Variants in KCNH1 observed in about 807,000 individuals in gnomAD.
The protein encoded by KCNH1 is potassium voltage-gated channel subfamily H member 1.
KCNH1 carries 27 observed loss-of-function variants against 69.2 expected under a neutral mutation model. That is an observed-to-expected ratio of 0.39 (90% CI 0.29 to 0.54). The LOEUF is 0.54. KCNH1 is among the 20% of genes least tolerant of loss of function. KCNH1 has a pLI of 0.68. For missense variants in KCNH1, 798 were observed against 1,261.6 expected (o/e 0.63, Z 5.57); for synonymous variants, 456 against 487.7 (o/e 0.93, Z 0.86).
At chr1:211,073,003 C>T (rs1010541604) in intron 5 of KCNH1, among the ~76,000 whole-genome samples, 3 of 152,010 alleles carry the variant, frequency 2.0e-5, no homozygotes, top group African/African-American at 4.8e-5. Context: ...TATGAAGACA[C>T]ATATTGATTA....
intron 4 of KCNH1, among the ~76,000 whole-genome samples, chr1:211,085,405 T>C (rs1690934249): frequency 6.6e-6 from 1 of 151,722 alleles, no homozygotes; most frequent in Admixed American, 6.6e-5. Context: ...TGAAGGACTT[T>C]AAATTTGGTG....
At chr1:211,035,771 C>T (rs1210161102) in intron 5 of KCNH1, among the ~76,000 whole-genome samples, 4 of 152,166 alleles carry the variant, frequency 2.6e-5, no homozygotes, top group Non-Finnish European at 5.9e-5. Context: ...AACCAACATG[C>T]TTGAGAGAAA....
intron 5 of KCNH1, among the ~76,000 whole-genome samples, chr1:211,036,609 C>T (rs1055676157): frequency 1.3e-5 from 2 of 152,142 alleles, no homozygotes; most frequent in Admixed American, 1.3e-4. Flanking sequence ...CAGACCTTGT[C>T]CAGTCATAGA....
chr1:210,999,705 C>G (rs1435285614), intron 6 of KCNH1, among the ~76,000 whole-genome samples: 1 of 152,112 alleles, frequency 6.6e-6, no homozygotes, highest in African/African-American at 2.4e-5. Flanking sequence ...GGCAGAGACA[C>G]AGCAACAAAA....
In KCNH1 at chr1:210,993,818, T is replaced by A. The variant is rs546821816; in HGVS notation, c.1032+24965A>T. ...CCAAATATTAAGTAACTCTGGGATCTCAAGTGAGAACAAGATTTGTTCTCT... is the reference window on the plus strand; with the variant it reads ...CCAAATATTAAGTAACTCTGGGATCACAAGTGAGAACAAGATTTGTTCTCT... On this transcript the variant is annotated intron_variant, in intron 6 of 10. Coordinates refer to ENST00000271751, the MANE Select transcript of KCNH1 (RefSeq NM_172362.3). Among the ~76,000 whole-genome samples the A allele has an allele frequency of 5.3e-5, 8 of 152,242 alleles. No homozygotes were observed. The South Asian group carries it at 1.7e-3, about 32-fold the overall frequency.
intron 5 of KCNH1, among the ~76,000 whole-genome samples, chr1:211,073,233 T>C (rs1690678433): frequency 6.6e-6 from 1 of 152,150 alleles, no homozygotes; most frequent in Non-Finnish European, 1.5e-5. Flanking sequence ...AGGAAAAAAT[T>C]GATACAACTG....
At chr1:210,806,828 A>ATATATATAT (rs1684582696) in intron 7 of KCNH1, among the ~76,000 whole-genome samples, 1 of 52,760 alleles carries the variant, frequency 1.9e-5, no homozygotes, top group Non-Finnish European at 4.1e-5. Flanking sequence ...AAAAAAAAAA[A>ATATATATAT]AAAAAAAAAT....
At chr1:210,974,104 C>T (rs989635597) in intron 6 of KCNH1, among the ~76,000 whole-genome samples, 1 of 152,102 alleles carries the variant, frequency 6.6e-6, no homozygotes, top group Non-Finnish European at 1.5e-5. Flanking sequence ...CTCTCTCTCA[C>T]CCTTCTTAAT....
In KCNH1 at chr1:210,806,806, CCAAAAAAAAAAAAAAAAAA is replaced by C. The variant is rs1684576355; in HGVS notation, c.1463-2659_1463-2641del. On this transcript the variant is annotated intron_variant, in intron 7 of 10. Coordinates refer to ENST00000271751, the MANE Select transcript of KCNH1 (RefSeq NM_172362.3). ...CCAATATGGTGAAACCCCATCTCTA[CCAAAAAAAAAAAAAAAAAA>C]AAAAAAAAAAAATATATATATATAT... Among the ~76,000 whole-genome samples the C allele has an allele frequency of 2.3e-5, 2 of 86,286 alleles. 1 individual carries two copies. Among genetic ancestry groups the C allele is most frequent in the African/African-American group, 1.0e-4 (2 of 19,722 alleles). The allele number at this position is 86,286 out of a possible 152,430, so 56.6% of individuals were successfully genotyped here.
At chr1:211,105,697 A>G (rs968236451) in intron 2 of KCNH1, among the ~76,000 whole-genome samples, 3 of 152,246 alleles carry the variant, frequency 2.0e-5, no homozygotes, top group Admixed American at 6.5e-5. Flanking sequence ...AGGTAAGGAA[A>G]GGCTGTTCAA....
At chr1:211,044,901 G>T (rs936947455) in intron 5 of KCNH1, among the ~76,000 whole-genome samples, 1 of 151,576 alleles carries the variant, frequency 6.6e-6, no homozygotes, top group Admixed American at 6.6e-5. Context: ...CCCACTACTG[G>T]TTATCTACCC....
intron 10 of KCNH1, among the ~76,000 whole-genome samples, chr1:210,755,449 A>G (rs1251781123): frequency 1.3e-5 from 2 of 152,224 alleles, no homozygotes; most frequent in African/African-American, 4.8e-5. Flanking sequence ...CAGCTCTCCA[A>G]CTGTCTCAAC....
Position 211,009,985 on chromosome 1 carries a change from T to C in KCNH1, c.1032+8798A>G, listed in dbSNP as rs964101019. On this transcript the variant is annotated intron_variant, in intron 6 of 10. Coordinates refer to ENST00000271751, the MANE Select transcript of KCNH1 (RefSeq NM_172362.3). ...TCAGGGGAGAGTACGAGCTGGGTGT[T>C]GTCAGTCTGAGGAGAGAGGAGAAGC... 3.3e-5 allele frequency among the ~76,000 whole-genome samples: 5 copies of C among 152,278 alleles called. No individual in the cohort carries two copies. In the South Asian group the frequency reaches 6.2e-4, roughly 19 times the overall value.
intron 10 of KCNH1, among the ~76,000 whole-genome samples, chr1:210,696,232 GCTGCATGGAGCACC>G (rs1257666118): frequency 6.6e-6 from 1 of 152,122 alleles, no homozygotes; most frequent in African/African-American, 2.4e-5. Context: ...TTCTCAGAGG[GCTGCATGGAGCACC>G]CACTCACCAA....
chr1:210,840,711 G>T (rs928247283), intron 7 of KCNH1, among the ~76,000 whole-genome samples: 1 of 152,138 alleles, frequency 6.6e-6, no homozygotes, highest in Admixed American at 6.5e-5. Context: ...TGTTTTCAAG[G>T]GATAGCCTGC....
chr1:210,739,421 C>G (rs368996236), intron 10 of KCNH1, among the ~76,000 whole-genome samples: 1 of 152,180 alleles, frequency 6.6e-6, no homozygotes, highest in Non-Finnish European at 1.5e-5. Context: ...AGGGAGCCCC[C>G]CCAAGCAACA....
chr1:211,132,342 G>C (rs2102507115), intron 1 of KCNH1, among the ~76,000 whole-genome samples: 1 of 152,198 alleles, frequency 6.6e-6, no homozygotes, highest in East Asian at 1.9e-4. Flanking sequence ...TGGCAAAACA[G>C]TTCATTGTGG....
At position 210,833,425 on chromosome 1, in the gene KCNH1, CA is replaced by C. The variant is rs1189425999; in HGVS notation, c.1463-29260del. On this transcript the variant is annotated intron_variant, in intron 7 of 10. Coordinates refer to ENST00000271751, the MANE Select transcript of KCNH1 (RefSeq NM_172362.3). ...CTTTGACAAACCTGAGAAAAACAAG[CA>C]ATGGGGAAAGGATTCCCTATTTAAT... Among the ~76,000 whole-genome samples, 5 of 152,018 alleles carry C rather than the reference CA, an allele frequency of 3.3e-5. No homozygotes were observed. The East Asian group carries it at 9.6e-4, about 29-fold the overall frequency.
chr1:210,904,144 T>C (rs1455806681), intron 7 of KCNH1, among the ~76,000 whole-genome samples: 1 of 152,230 alleles, frequency 6.6e-6, no homozygotes, highest in African/African-American at 2.4e-5. Context: ...TTCTCACTAA[T>C]AAGCACAATT....
Sources: gnomAD v4.1 joint callset for allele counts (sites outside exome capture counted in the v4.1 genomes callset) on GRCh38, gnomAD v4.1.1 for gene constraint, MANE v1.5 for transcripts, NCBI Gene and HGNC (gene_info 2026-07-23, HGNC 2026-07-21) for gene names.